DEPTOR: variants seen among roughly 807,000 people sequenced by gnomAD.
DEPTOR encodes DEP domain containing MTOR interacting protein.
In DEPTOR, 41 loss-of-function variants were observed where a neutral mutation model predicts 41.6. That is an observed-to-expected ratio of 0.98 (90% CI 0.77 to 1.28). The LOEUF is 1.28. Among genes scored for constraint, DEPTOR ranks in the 50% most tolerant of loss-of-function variants. The pLI is 0.00. For missense variants in DEPTOR, 514 were observed against 527.9 expected, an observed-to-expected ratio of 0.97 and a Z score of 0.26; for synonymous variants, 195 against 192.3, an observed-to-expected ratio of 1.01 and a Z score of -0.12.
At chr8:120,022,782 T>C (rs1044468949) in intron 8 of DEPTOR, among the ~76,000 whole-genome samples, 11 of 152,174 alleles carry the variant, frequency 7.2e-5, no homozygotes, top group Admixed American at 2.6e-4. Context: ...GCAATCCTCC[T>C]GCCTTGGCCT....
chr8:119,993,435 G>A (rs1052402334), intron 4 of DEPTOR, among the ~76,000 whole-genome samples: 1 of 152,142 alleles, frequency 6.6e-6, no homozygotes, highest in Non-Finnish European at 1.5e-5. Flanking sequence ...CAAAAGGGAA[G>A]GCTTGGAAAG....
chr8:120,011,278 G>A (rs1812528054), intron 8 of DEPTOR, among the ~76,000 whole-genome samples: 1 of 152,164 alleles, frequency 6.6e-6, no homozygotes, highest in East Asian at 1.9e-4. Flanking sequence ...TCATGTCAGG[G>A]AGGCACAGGC....
intron 1 of DEPTOR, among the ~76,000 whole-genome samples, chr8:119,887,574 G>T (rs1021893749): frequency 3.9e-5 from 4 of 101,976 alleles, no homozygotes; most frequent in Non-Finnish European, 8.1e-5. Context: ...ATCTCAGCTC[G>T]CTGCAACCTC....
At chr8:119,916,313 G>T (rs2129804629) in intron 1 of DEPTOR, among the ~76,000 whole-genome samples, 1 of 133,216 alleles carries the variant, frequency 7.5e-6, no homozygotes, top group East Asian at 2.0e-4. Context: ...AGAAATGGGG[G>T]TTTCACCATA....
chr8:120,021,209 C>A (rs1451409762), intron 8 of DEPTOR, among the ~76,000 whole-genome samples: 1 of 152,098 alleles, frequency 6.6e-6, no homozygotes, highest in Non-Finnish European at 1.5e-5. Flanking sequence ...TCGAGACCAG[C>A]CTGGCCAACA....
intron 1 of DEPTOR, among the ~76,000 whole-genome samples, chr8:119,892,246 G>A (rs1001921086): frequency 1.3e-5 from 2 of 152,152 alleles, no homozygotes; most frequent in Non-Finnish European, 2.9e-5. Context: ...TGATCTGCCC[G>A]CCTTGGTCTC....
intron 4 of DEPTOR, among the ~76,000 whole-genome samples, chr8:119,990,259 G>A (rs774896107): frequency 5.9e-5 from 9 of 152,140 alleles, no homozygotes; most frequent in Non-Finnish European, 1.3e-4. Flanking sequence ...CCAGGTTCAC[G>A]CCATTCTCCT....
intron 1 of DEPTOR, among the ~76,000 whole-genome samples, chr8:119,895,126 C>T (rs762276287): frequency 1.3e-5 from 2 of 152,194 alleles, no homozygotes; most frequent in East Asian, 1.9e-4. Flanking sequence ...CTGTCTCCCC[C>T]TCTCCTTCAG....
At chr8:119,975,499 G>A (rs1000229699) in intron 4 of DEPTOR, among the ~76,000 whole-genome samples, 12 of 152,180 alleles carry the variant, frequency 7.9e-5, no homozygotes, top group Admixed American at 1.3e-4. Context: ...GTGCGGAGTC[G>A]GTCAGTGGAT....
chr8:119,904,659 C>T (rs1014926988), intron 1 of DEPTOR, among the ~76,000 whole-genome samples: 1 of 151,830 alleles, frequency 6.6e-6, no homozygotes, highest in African/African-American at 2.4e-5. Flanking sequence ...CCATGCCCAG[C>T]TAATTTTTGT....
chr8:119,876,224 C>A (rs1275556039), intron 1 of DEPTOR, among the ~76,000 whole-genome samples: 4 of 152,192 alleles, frequency 2.6e-5, no homozygotes, highest in Non-Finnish European at 5.9e-5. Context: ...TGAGAGCCAT[C>A]CTTGTCATGC....
chr8:120,001,261 G>GAGA (rs1320864097), intron 4 of DEPTOR, among the ~76,000 whole-genome samples: 1 of 152,104 alleles, frequency 6.6e-6, no homozygotes, highest in East Asian at 1.9e-4. Context: ...CAGGAGCCAG[G>GAGA]AGAACACTAG....
At chr8:119,890,788 TGTG>T (rs1827442344) in intron 1 of DEPTOR, among the ~76,000 whole-genome samples, 1 of 152,098 alleles carries the variant, frequency 6.6e-6, no homozygotes, top group South Asian at 2.1e-4. Context: ...TGGTCACACA[TGTG>T]GTAAGTATGG....
chr8:119,911,311 CTTTTTTTTTT>C (rs147066045), intron 1 of DEPTOR, among the ~76,000 whole-genome samples: 3 of 105,480 alleles, frequency 2.8e-5, no homozygotes, highest in African/African-American at 1.3e-4. Context: ...TACACACATT[CTTTTTTTTTT>C]TTTTTTTTTT....
chr8:120,002,285 ACGTGTC>A lies in DEPTOR; in HGVS notation c.790+576_790+581del, dbSNP rs201752203. On this transcript the variant is annotated intron_variant, in intron 5 of 8. Transcript: ENST00000286234. ...CTCCCAAGTAGCTGGGACTACAGGC[ACGTGTC>A]ACCATGCCTGGCTCATTTTTGTATT... is the stretch of plus-strand genomic sequence containing the variant. Among the ~76,000 whole-genome samples, 648 of 151,952 alleles carry A rather than the reference ACGTGTC, an allele frequency of 4.3e-3. 13 individuals carry two copies. The East Asian group carries it at 0.094, about 22-fold the overall frequency.
intron 4 of DEPTOR, among the ~76,000 whole-genome samples, chr8:119,991,100 CTTTCTTTCTTTCTTTCTTT>C (rs1563584735): frequency 4.0e-4 from 31 of 78,402 alleles, no homozygotes; most frequent in African/African-American, 1.3e-3. Flanking sequence ...TTCTTTCTTT[CTTTCTTTCTTTCTTTCTTT>C]TTTTTTTAAA....
chr8:119,932,109 G>A (rs1414778766), intron 3 of DEPTOR, among the ~76,000 whole-genome samples: 1 of 151,678 alleles, frequency 6.6e-6, no homozygotes, highest in African/African-American at 2.4e-5. Flanking sequence ...AGCCTCCCAA[G>A]TAGCTGGGAG....
chr8:119,995,444 G>A (rs1238685750), intron 4 of DEPTOR, among the ~76,000 whole-genome samples: 1 of 151,978 alleles, frequency 6.6e-6, no homozygotes, highest in Admixed American at 6.6e-5. Context: ...AAATTAGCCA[G>A]GCCTGGTGGT....
intron 1 of DEPTOR, among the ~76,000 whole-genome samples, chr8:119,883,500 G>GT (rs1308062026): frequency 0.02 from 2,719 of 135,142 alleles, 89 homozygotes; most frequent in African/African-American, 0.068. Flanking sequence ...AAAAAAAGAA[G>GT]GATATGCTTT....
Sources: allele counts gnomAD v4.1 joint callset (sites outside exome capture counted in the v4.1 genomes callset), GRCh38; gene constraint gnomAD v4.1.1; transcripts MANE v1.5; gene names NCBI Gene and HGNC (gene_info 2026-07-23, HGNC 2026-07-21).